BBS9: variants seen among roughly 807,000 people sequenced by gnomAD.
BBS9 encodes protein PTHB1.
A neutral mutation model predicts 117.7 loss-of-function variants in BBS9; 89 were observed. That is an observed-to-expected ratio of 0.76 (90% CI 0.64 to 0.90). The LOEUF is 0.90. BBS9 is among the 40% of genes least tolerant of loss of function. BBS9 has a pLI of 0.00. For synonymous variants in BBS9, 379 were observed against 370.9 expected, an observed-to-expected ratio of 1.02 and a Z score of -0.25; for missense variants, 982 against 1,042.2, an observed-to-expected ratio of 0.94 and a Z score of 0.80.
downstream of BBS9, among the ~76,000 whole-genome samples, chr7:33,607,880 C>CT (rs541343507): frequency 0.022 from 3,077 of 141,502 alleles, 89 homozygotes; most frequent in African/African-American, 0.066. Flanking sequence ...TGATAGCTCT[C>CT]TTTTTTTTTT....
At chr7:33,301,462 T>C (rs1276319618) in intron 9 of BBS9, among the ~76,000 whole-genome samples, 1 of 152,124 alleles carries the variant, frequency 6.6e-6, no homozygotes, top group Non-Finnish European at 1.5e-5. Context: ...CCTTGTGCTC[T>C]CCATGCGTTC....
At chr7:33,250,819 A>G (rs1440551795) in intron 5 of BBS9, among the ~76,000 whole-genome samples, 1 of 152,208 alleles carries the variant, frequency 6.6e-6, no homozygotes, top group East Asian at 1.9e-4. Context: ...TGTATCTCCT[A>G]TGTGCCAGGC....
At chr7:33,224,155 C>T (rs1790800458) in intron 5 of BBS9, among the ~76,000 whole-genome samples, 1 of 152,050 alleles carries the variant, frequency 6.6e-6, no homozygotes, top group Admixed American at 6.6e-5. Flanking sequence ...ATTCATTGGA[C>T]ATATTTGATG....
At chr7:33,254,041 T>G (rs1430683211) in intron 5 of BBS9, among the ~76,000 whole-genome samples, 2 of 152,230 alleles carry the variant, frequency 1.3e-5, no homozygotes, top group Non-Finnish European at 1.5e-5. Flanking sequence ...TAAATCCACT[T>G]AACAATGATA....
chr7:33,524,632 TTCTC>T (rs1229199942), intron 20 of BBS9, among the ~76,000 whole-genome samples: 1 of 152,228 alleles, frequency 6.6e-6, no homozygotes, highest in African/African-American at 2.4e-5. Flanking sequence ...TATTTGATTC[TTCTC>T]TCTTTTTTTC....
intron 4 of BBS9, among the ~76,000 whole-genome samples, chr7:33,164,615 G>T (rs1228980459): frequency 6.6e-6 from 1 of 151,942 alleles, no homozygotes; most frequent in Admixed American, 6.6e-5. Flanking sequence ...GATCTTTGTT[G>T]GTTTAAAGTC....
chr7:33,168,969 C>T (rs1348270643), intron 4 of BBS9, among the ~76,000 whole-genome samples: 1 of 151,640 alleles, frequency 6.6e-6, no homozygotes, highest in Admixed American at 6.6e-5. Context: ...GCTCCCCCCA[C>T]CCCACCACAG....
At chr7:33,362,166 TG>T (rs1328381266) in intron 16 of BBS9, among the ~76,000 whole-genome samples, 1 of 152,198 alleles carries the variant, frequency 6.6e-6, no homozygotes, top group Non-Finnish European at 1.5e-5. Context: ...TGTCTTCTTT[TG>T]CTCCTTTATT....
chr7:33,214,875 A>C (rs1000002438), intron 5 of BBS9, among the ~76,000 whole-genome samples: 1 of 152,208 alleles, frequency 6.6e-6, no homozygotes, highest in Non-Finnish European at 1.5e-5. Context: ...AAAGACTCCA[A>C]ATAGCCAAAG....
At chr7:33,145,481 C>A (rs945880897) in intron 1 of BBS9, among the ~76,000 whole-genome samples, 3 of 152,166 alleles carry the variant, frequency 2.0e-5, no homozygotes, top group African/African-American at 7.2e-5. Context: ...GGTCCTGCAG[C>A]CCAATTTTCC....
At chr7:33,369,511 G>T (rs1822456239) in intron 17 of BBS9, among the ~76,000 whole-genome samples, 1 of 152,170 alleles carries the variant, frequency 6.6e-6, no homozygotes, top group Non-Finnish European at 1.5e-5. Context: ...TTAGCATAGT[G>T]TAGGTACACA....
At chr7:33,384,256 CT>C (rs1825617355) in intron 18 of BBS9, among the ~76,000 whole-genome samples, 1 of 152,186 alleles carries the variant, frequency 6.6e-6, no homozygotes, top group South Asian at 2.1e-4. Context: ...ACTTCTGCAT[CT>C]GAATGAGGGT....
chr7:33,469,481 A>T (rs1280121503), intron 19 of BBS9, among the ~76,000 whole-genome samples: 56 of 152,202 alleles, frequency 3.7e-4, no homozygotes, highest in Non-Finnish European at 1.8e-4. Context: ...CTTTCTGTAG[A>T]CAGGAGGGAT....
intron 21 of BBS9, among the ~76,000 whole-genome samples, chr7:33,597,031 G>A (rs1563424361): frequency 6.7e-6 from 1 of 150,340 alleles, no homozygotes; most frequent in African/African-American, 2.5e-5. Context: ...ATGTACCTAT[G>A]TGCATATATA....
At chr7:33,505,876 A>C in intron 20 of BBS9, 1 of 539,378 alleles carries the variant, frequency 1.9e-6, no homozygotes, top group Non-Finnish European at 3.3e-6. Flanking sequence ...GGTCCAGTCT[A>C]CTTTTTATGT....
intron 9 of BBS9, among the ~76,000 whole-genome samples, chr7:33,318,091 CAAACA>C (rs1810919440): frequency 6.6e-6 from 1 of 152,118 alleles, no homozygotes; most frequent in South Asian, 2.1e-4. Flanking sequence ...AACTCTGTCT[CAAACA>C]AAACAAAACA....
chr7:33,274,619 A>C (rs1270382693), intron 9 of BBS9, among the ~76,000 whole-genome samples: 1 of 152,250 alleles, frequency 6.6e-6, no homozygotes, highest in Non-Finnish European at 1.5e-5. Context: ...GCAAACGTAT[A>C]GAAATACAAC....
chr7:33,341,472 CCT>C (rs1472599336), intron 11 of BBS9, among the ~76,000 whole-genome samples: 1 of 151,778 alleles, frequency 6.6e-6, no homozygotes, highest in Non-Finnish European at 1.5e-5. Context: ...TAATTTTTCC[CCT>C]GTTTCTATCT....
At chr7:33,260,355 C>T (rs1797782372) in intron 6 of BBS9, among the ~76,000 whole-genome samples, 1 of 152,140 alleles carries the variant, frequency 6.6e-6, no homozygotes, top group East Asian at 1.9e-4. Context: ...CCCATTTTAC[C>T]TCTATGATGT....
Sources: allele counts gnomAD v4.1 joint callset (sites outside exome capture counted in the v4.1 genomes callset), GRCh38; gene constraint gnomAD v4.1.1; transcripts MANE v1.5; gene names NCBI Gene and HGNC (gene_info 2026-07-23, HGNC 2026-07-21).